The following PHACTR4 variants were observed in gnomAD, a reference collection of about 807,000 sequenced individuals.
PHACTR4 encodes protein phosphatase 1, regulatory subunit 124.
In PHACTR4, 51 loss-of-function variants were observed where a neutral mutation model predicts 72.7. That is an observed-to-expected ratio of 0.70 (90% CI 0.56 to 0.89). PHACTR4 has a LOEUF of 0.89. PHACTR4 is among the 40% of genes least tolerant of loss of function. PHACTR4 has a pLI of 0.00. For missense variants in PHACTR4, 731 were observed against 861.8 expected (o/e 0.85, Z 1.90); for synonymous variants, 255 against 302.5 (o/e 0.84, Z 1.63).
At chr1:28,373,069 C>T (rs1208647084) in intron 1 of PHACTR4, among the ~76,000 whole-genome samples, 1 of 151,882 alleles carries the variant, frequency 6.6e-6, no homozygotes, top group Non-Finnish European at 1.5e-5. Context: ...ATGATCCTCC[C>T]ACTTCAGCCT....
chr1:28,471,987 G>A (rs1278657056), intron 6 of PHACTR4, among the ~76,000 whole-genome samples: 1 of 151,924 alleles, frequency 6.6e-6, no homozygotes, highest in Non-Finnish European at 1.5e-5. Context: ...CGAGGCGGGC[G>A]GATCACGAGG....
At chr1:28,448,258 G>C (rs1657617021) in intron 2 of PHACTR4, among the ~76,000 whole-genome samples, 1 of 152,082 alleles carries the variant, frequency 6.6e-6, no homozygotes, top group Non-Finnish European at 1.5e-5. Flanking sequence ...GCTCATGCCT[G>C]TAATCCTAGC....
chr1:28,382,109 C>A (rs903360133), intron 1 of PHACTR4, among the ~76,000 whole-genome samples: 1 of 152,088 alleles, frequency 6.6e-6, no homozygotes, highest in African/African-American at 2.4e-5. Context: ...TTTCTTCTTA[C>A]AAATTTGTTT....
At chr1:28,385,741 G>A (rs1407379979) in intron 1 of PHACTR4, among the ~76,000 whole-genome samples, 1 of 150,320 alleles carries the variant, frequency 6.7e-6, no homozygotes, top group Non-Finnish European at 1.5e-5. Flanking sequence ...TTAGCCTCCC[G>A]AGTAGCTGGG....
At chr1:28,400,019 A>G (rs1490883408) in intron 1 of PHACTR4, among the ~76,000 whole-genome samples, 1 of 152,204 alleles carries the variant, frequency 6.6e-6, no homozygotes, top group Admixed American at 6.5e-5. Flanking sequence ...GAGAAGTAGG[A>G]AATGTGGTCA....
chr1:28,444,242 T>TC (rs1454537719), intron 2 of PHACTR4, among the ~76,000 whole-genome samples: 3 of 133,226 alleles, frequency 2.3e-5, no homozygotes, highest in African/African-American at 6.2e-5. Flanking sequence ...TTTTTTTTTT[T>TC]TTGAGACAGA....
At position 28,473,818 on chromosome 1, in the gene PHACTR4, C is replaced by G; in HGVS notation, c.1088C>G (p.Ala363Gly). 1.9e-6 allele frequency: 3 copies of G among 1,614,066 alleles called. No individual in the cohort carries two copies. Among genetic ancestry groups the G allele is most frequent in the Non-Finnish European group, 2.5e-6 (3 of 1,180,016 alleles). Residue 363 changes from alanine to glycine, a missense_variant, in exon 7 of 14, where the codon GCT (alanine) becomes GGT (glycine). By Grantham distance (60) the Ala-to-Gly change is moderately conservative. Transcript: ENST00000373839. ...PEPPRTPPFP[A>G]KTFQVVPEIE... ...CCTCCACGCACCCCTCCATTCCCTG[C>G]TAAGACTTTTCAAGTTGTGCCAGAA...
intron 1 of PHACTR4, among the ~76,000 whole-genome samples, chr1:28,400,493 A>C (rs1325782117): frequency 6.6e-6 from 1 of 152,130 alleles, no homozygotes; most frequent in African/African-American, 2.4e-5. Flanking sequence ...GGTGCGGTTT[A>C]AGGAAAGCAG....
chr1:28,474,820 A>G (rs369571896), intron 7 of PHACTR4, among the ~76,000 whole-genome samples: 2 of 152,218 alleles, frequency 1.3e-5, no homozygotes, highest in Admixed American at 6.5e-5. Flanking sequence ...TGGGATTGCA[A>G]GTGTGAGCCA....
chr1:28,440,368 A>G (rs1656926117), intron 2 of PHACTR4, among the ~76,000 whole-genome samples: 1 of 148,968 alleles, frequency 6.7e-6, no homozygotes, highest in Non-Finnish European at 1.5e-5. Flanking sequence ...GCTTCTGAAA[A>G]AAAGTAAGAA....
intron 2 of PHACTR4, among the ~76,000 whole-genome samples, chr1:28,446,316 A>G (rs557631187): frequency 6.6e-6 from 1 of 152,288 alleles, no homozygotes; most frequent in East Asian, 1.9e-4. Flanking sequence ...TAGGCCATTA[A>G]TAAGGTTTGG....
At chr1:28,378,814 A>G (rs1350484302) in intron 1 of PHACTR4, among the ~76,000 whole-genome samples, 1 of 152,110 alleles carries the variant, frequency 6.6e-6, no homozygotes, top group Admixed American at 6.6e-5. Flanking sequence ...TTGAAGAGGA[A>G]TATGAAGAAA....
At chr1:28,440,568 A>C (rs1656954042) in intron 2 of PHACTR4, among the ~76,000 whole-genome samples, 1 of 151,338 alleles carries the variant, frequency 6.6e-6, no homozygotes, top group Admixed American at 6.6e-5. Context: ...GCCCTAATAA[A>C]AGACATTTGA....
In PHACTR4 at chr1:28,444,818, G is replaced by A. The variant is rs1183983880; in HGVS notation, c.17-14267G>A. ...TTTTTTTTGTATTTTTAGTAGAGACGGGGTTTCACCGTGTTAGCCAGGATG... is the reference window on the plus strand; with the variant it reads ...TTTTTTTTGTATTTTTAGTAGAGACAGGGTTTCACCGTGTTAGCCAGGATG... On this transcript the variant is annotated intron_variant, in intron 2 of 13. Transcript: ENST00000373839. Among the ~76,000 whole-genome samples, 5 of 137,982 alleles carry A rather than the reference G, an allele frequency of 3.6e-5. No individual in the cohort carries two copies. The East Asian group carries it at 6.4e-4, about 18-fold the overall frequency. 90.5% of individuals were successfully genotyped at this position (137,982 alleles called of 152,430 possible).
chr1:28,465,566 C>T, intron 4 of PHACTR4, 119 bp from the exon 5 acceptor site: 1 of 1,047,078 alleles, frequency 9.6e-7, no homozygotes, highest in South Asian at 1.6e-5. Flanking sequence ...GCCTGGGCAA[C>T]ATAGTGAGAC....
intron 2 of PHACTR4, among the ~76,000 whole-genome samples, chr1:28,440,278 G>T (rs1217712906): frequency 1.4e-5 from 2 of 140,042 alleles, no homozygotes; most frequent in Non-Finnish European, 1.5e-5. Flanking sequence ...CTCCAGCCTG[G>T]GCGACAGAGC....
In PHACTR4 at chr1:28,438,404, C is replaced by T. The variant is rs779788730; in HGVS notation, c.17-20681C>T. On this transcript the variant is annotated intron_variant, in intron 2 of 13. Coordinates refer to ENST00000373839, the MANE Select transcript of PHACTR4 (RefSeq NM_001048183.3). ...ATAATCATGGGACAAGCTGATGTCT[C>T]CAGACCGGTAAATCCAGATGCAGTT... 6.2e-7 allele frequency: 1 copy of T among 1,612,700 alleles called. No individual in the cohort carries two copies. Among genetic ancestry groups the T allele is most frequent in the Non-Finnish European group, 8.5e-7 (1 of 1,179,358 alleles).
intron 2 of PHACTR4, among the ~76,000 whole-genome samples, chr1:28,444,499 A>T (rs1290346652): frequency 6.6e-6 from 1 of 151,768 alleles, no homozygotes; most frequent in Admixed American, 6.6e-5. Context: ...AAGTACTGGG[A>T]CTACAGGCAT....
chr1:28,459,691 T>C (rs931733506), intron 3 of PHACTR4, among the ~76,000 whole-genome samples: 12 of 152,282 alleles, frequency 7.9e-5, no homozygotes, highest in African/African-American at 2.9e-4. Context: ...CATGAGCCAC[T>C]GTGGCTGGCC....
Sources: gnomAD v4.1 joint callset for allele counts (sites outside exome capture counted in the v4.1 genomes callset) on GRCh38, gnomAD v4.1.1 for gene constraint, MANE v1.5 for transcripts, NCBI Gene and HGNC (gene_info 2026-07-23, HGNC 2026-07-21) for gene names.